NAV1: variants seen among roughly 807,000 people sequenced by gnomAD.
The protein encoded by NAV1 is pore membrane and/or filament interacting like protein 3.
NAV1 carries 18 observed loss-of-function variants against 175.2 expected under a neutral mutation model. The observed-to-expected ratio is 0.10, with a 90% confidence interval of 0.07 to 0.15. The LOEUF (loss-of-function observed/expected upper bound fraction) is 0.15. Among genes scored for constraint, NAV1 ranks in the 10% least tolerant of loss-of-function variants. The pLI, the probability that NAV1 is intolerant of heterozygous loss-of-function variation, is 1.00. For missense variants in NAV1, 1,731 were observed against 2,436.6 expected, an observed-to-expected ratio of 0.71 and a Z score of 6.10; for synonymous variants, 897 against 978.7, an observed-to-expected ratio of 0.92 and a Z score of 1.56.
chr1:201,823,460 AT>A (rs1679504603), exon 30 of NAV1: 1 of 152,270 alleles, frequency 6.6e-6, no homozygotes, highest in Non-Finnish European at 1.5e-5. Flanking sequence ...GCTTCAAAGT[AT>A]TTTTTAAAAT....
At chr1:201,822,200 A>G (rs1436651973) in exon 30 of NAV1, 1 of 152,830 alleles carries the variant, frequency 6.5e-6, no homozygotes, top group Non-Finnish European at 1.5e-5. Context: ...TGGTGGGAAG[A>G]GGCTGTGTGT....
At chr1:201,681,346 T>G (rs1454305846) in intron 1 of NAV1, among the ~76,000 whole-genome samples, 1 of 152,242 alleles carries the variant, frequency 6.6e-6, no homozygotes, top group Non-Finnish European at 1.5e-5. Context: ...TAGGAAACTC[T>G]GGGTTGAGAA....
rs541834435 is a variant in NAV1 at position 201,818,177 on chromosome 1, C to T, written c.5538+892C>T. 2.2e-4 allele frequency among the ~76,000 whole-genome samples: 33 copies of T among 152,140 alleles called. No homozygotes were observed. The South Asian group carries it at 4.8e-3, about 22-fold the overall frequency. On this transcript the variant is annotated intron_variant, in intron 29 of 29. Transcript: ENST00000367296. Reference sequence around the variant, plus strand: ...CTGGGAAGTTGAGGCTACAGTGAGCCGTGATTACACCACTGCACTCCAGCC... The same window carrying T: ...CTGGGAAGTTGAGGCTACAGTGAGCTGTGATTACACCACTGCACTCCAGCC...
chr1:201,783,543 C>T, exon 7 of NAV1: 1 of 1,614,208 alleles, frequency 6.2e-7, no homozygotes, highest in Non-Finnish European at 8.5e-7. Context: ...ACAAGCTCAG[C>T]ATCTGGGGGC....
At chr1:201,542,965 G>A (rs955508109) in intron 1 of NAV1, among the ~76,000 whole-genome samples, 7 of 152,174 alleles carry the variant, frequency 4.6e-5, no homozygotes, top group Non-Finnish European at 8.8e-5. Context: ...TGATTTTTGT[G>A]TGTTGATCTT....
At chr1:201,605,236 C>G (rs633454) in intron 2 of NAV1, among the ~76,000 whole-genome samples, 15,725 of 150,458 alleles carry the variant, frequency 0.1, 909 homozygotes, top group East Asian at 0.14. Flanking sequence ...TCTCCATCCT[C>G]TCTGCTCCTT....
intron 3 of NAV1, among the ~76,000 whole-genome samples, chr1:201,764,021 A>G (rs1675030369): frequency 6.6e-6 from 1 of 152,020 alleles, no homozygotes; most frequent in African/African-American, 2.4e-5. Flanking sequence ...TGACTCCTTG[A>G]TTTTCTCAAT....
At chr1:201,803,654 C>T in exon 16 of NAV1, 1 of 1,613,788 alleles carries the variant, frequency 6.2e-7, no homozygotes, top group South Asian at 1.1e-5. Context: ...GCATCACTAG[C>T]CATTCCAGCA....
chr1:201,674,398 G>A (rs576230005), intron 1 of NAV1, among the ~76,000 whole-genome samples: 2 of 152,198 alleles, frequency 1.3e-5, no homozygotes, highest in South Asian at 4.1e-4. Flanking sequence ...TGTTGGGGGG[G>A]GTTGTCCAGG....
At chr1:201,601,942 G>A (rs533124071) in intron 2 of NAV1, among the ~76,000 whole-genome samples, 1 of 152,214 alleles carries the variant, frequency 6.6e-6, no homozygotes, top group South Asian at 2.1e-4. Context: ...CAGGCCCTTT[G>A]GAAACCTCTG....
chr1:201,664,841 C>G (rs1166329611), intron 1 of NAV1, among the ~76,000 whole-genome samples: 1 of 152,100 alleles, frequency 6.6e-6, no homozygotes, highest in African/African-American at 2.4e-5. Flanking sequence ...ACCAGTCCAC[C>G]CATCTCCTCC....
intron 1 of NAV1, among the ~76,000 whole-genome samples, chr1:201,681,961 C>CAAA (rs1670483636): frequency 6.6e-6 from 1 of 152,068 alleles, no homozygotes; most frequent in African/African-American, 2.4e-5. Context: ...ACTAAAAATA[C>CAAA]AAAAATCAGC....
intron 3 of NAV1, among the ~76,000 whole-genome samples, chr1:201,744,043 C>A (rs866309839): frequency 9.9e-5 from 15 of 151,860 alleles, no homozygotes; most frequent in Admixed American, 2.0e-4. Context: ...CACCACCATG[C>A]CCAGCTAATT....
intron 3 of NAV1, among the ~76,000 whole-genome samples, chr1:201,746,815 A>G (rs1200320720): frequency 6.6e-6 from 1 of 152,064 alleles, no homozygotes; most frequent in Admixed American, 6.6e-5. Context: ...AGCCTGGGAA[A>G]CATGGGGAAA....
intron 1 of NAV1, among the ~76,000 whole-genome samples, chr1:201,586,216 G>A (rs539880830): frequency 6.7e-6 from 1 of 149,904 alleles, no homozygotes; most frequent in South Asian, 2.1e-4. Flanking sequence ...CACAGAAAGA[G>A]ACAGTCTGTG....
At chr1:201,674,742 T>A (rs773398931) in intron 1 of NAV1, among the ~76,000 whole-genome samples, 1 of 151,832 alleles carries the variant, frequency 6.6e-6, no homozygotes, top group Non-Finnish European at 1.5e-5. Context: ...AATAACCAGA[T>A]CTCACGAAAA....
At chr1:201,746,294 CCA>C (rs1673766097) in intron 3 of NAV1, among the ~76,000 whole-genome samples, 3 of 152,120 alleles carry the variant, frequency 2.0e-5, no homozygotes, top group African/African-American at 7.2e-5. Context: ...TGATAGGATA[CCA>C]CTGTAAGAGC....
upstream of NAV1, among the ~76,000 whole-genome samples, chr1:201,622,618 C>G (rs1369451237): frequency 1.3e-5 from 2 of 152,158 alleles, no homozygotes; most frequent in Non-Finnish European, 2.9e-5. Flanking sequence ...AAAGCACTTT[C>G]CCATATGTGC....
At chr1:201,644,207 T>C, upstream of NAV1, among the ~76,000 whole-genome samples, 1 of 152,172 alleles carries the variant, frequency 6.6e-6, no homozygotes, top group East Asian at 1.9e-4. Context: ...GTAGAATCTC[T>C]CTTCAGAGGA....
Sources: allele counts gnomAD v4.1 joint callset (sites outside exome capture counted in the v4.1 genomes callset), GRCh38; gene constraint gnomAD v4.1.1; transcripts MANE v1.5; gene names NCBI Gene and HGNC (gene_info 2026-07-23, HGNC 2026-07-21).